GRK3: variants seen among roughly 807,000 people sequenced by gnomAD.
The protein encoded by GRK3 is adrenergic, beta, receptor kinase 2.
In GRK3, 54 loss-of-function variants were observed where a neutral mutation model predicts 95.7. That is an observed-to-expected ratio of 0.56 (90% CI 0.45 to 0.71). The LOEUF (loss-of-function observed/expected upper bound fraction) is 0.71, where lower values mean the gene tolerates loss of function less well. Among genes scored for constraint, GRK3 ranks in the 30% least tolerant of loss-of-function variants. GRK3 has a pLI of 0.00. For synonymous variants in GRK3, 281 were observed against 290.8 expected, an observed-to-expected ratio of 0.97 and a Z score of 0.34; for missense variants, 649 against 851.2, an observed-to-expected ratio of 0.76 and a Z score of 2.96.
At position 25,697,689 on chromosome 22, in the gene GRK3, G is replaced by A. The variant is rs191088359; in HGVS notation, c.1160+2475G>A. Among the ~76,000 whole-genome samples, 111 of 152,240 alleles carry A rather than the reference G, an allele frequency of 7.3e-4. 1 individual carries two copies. The highest frequency in any genetic ancestry group is 1.2e-3 in the Non-Finnish European group (85 of 68,010). Reference sequence around the variant, plus strand: ...TAACTCCAGAGGGATGCATTTTGAGGAGAAAAAAGATTTCAGTTTAATACA... The same window carrying A: ...TAACTCCAGAGGGATGCATTTTGAGAAGAAAAAAGATTTCAGTTTAATACA... On this transcript the variant is annotated intron_variant, in intron 13 of 20. Coordinates refer to ENST00000324198, the MANE Select transcript of GRK3 (RefSeq NM_005160.4).
At chr22:25,715,347 C>G (rs1044409805) in intron 18 of GRK3, among the ~76,000 whole-genome samples, 1 of 152,068 alleles carries the variant, frequency 6.6e-6, no homozygotes. Context: ...AACCCCATCT[C>G]TACAAAAAAT....
chr22:25,593,206 G>A (rs533719283), intron 1 of GRK3, among the ~76,000 whole-genome samples: 1 of 151,644 alleles, frequency 6.6e-6, no homozygotes, highest in Admixed American at 6.6e-5. Context: ...TTCAGTAATA[G>A]GATTGCTGGG....
At chr22:25,584,085 G>A (rs1404924142) in intron 1 of GRK3, among the ~76,000 whole-genome samples, 1 of 152,228 alleles carries the variant, frequency 6.6e-6, no homozygotes, top group Non-Finnish European at 1.5e-5. Flanking sequence ...AGGGAAGTGG[G>A]AGTAAATGCC....
At chr22:25,619,133 C>T (rs755270568) in intron 2 of GRK3, among the ~76,000 whole-genome samples, 2 of 152,058 alleles carry the variant, frequency 1.3e-5, no homozygotes, top group East Asian at 1.9e-4. Flanking sequence ...AGACATATAG[C>T]GCCTTTGTTA....
chr22:25,620,275 C>G (rs890433709), intron 2 of GRK3, among the ~76,000 whole-genome samples: 4 of 152,022 alleles, frequency 2.6e-5, no homozygotes, highest in Non-Finnish European at 4.4e-5. Context: ...TCACATAGCC[C>G]GCGAAAAAGC....
chr22:25,595,918 G>A (rs1601461242), intron 1 of GRK3, among the ~76,000 whole-genome samples: 1 of 152,306 alleles, frequency 6.6e-6, no homozygotes, highest in East Asian at 1.9e-4. Context: ...CTGTACTCCA[G>A]CCTGGATGAC....
intron 1 of GRK3, among the ~76,000 whole-genome samples, chr22:25,593,508 G>A (rs1302026723): frequency 6.6e-6 from 1 of 152,034 alleles, no homozygotes; most frequent in African/African-American, 2.4e-5. Context: ...GTCTTCTTTT[G>A]AGAAGTGTCT....
chr22:25,610,298 A>G (rs767510957), intron 2 of GRK3, among the ~76,000 whole-genome samples: 1 of 152,160 alleles, frequency 6.6e-6, no homozygotes, highest in Non-Finnish European at 1.5e-5. Context: ...CCCTATCTGT[A>G]TAGAAATTTA....
intron 2 of GRK3, among the ~76,000 whole-genome samples, chr22:25,639,424 T>A (rs1446827049): frequency 1.3e-5 from 2 of 152,184 alleles, no homozygotes; most frequent in Non-Finnish European, 2.9e-5. Flanking sequence ...TTTCCCAGCA[T>A]CATTTGTTGA....
At chr22:25,683,837 A>T (rs967711732) in intron 9 of GRK3, among the ~76,000 whole-genome samples, 1 of 152,002 alleles carries the variant, frequency 6.6e-6, no homozygotes, top group South Asian at 2.1e-4. Flanking sequence ...TTACTCTGTT[A>T]ATGGTATCCT....
At chr22:25,590,771 C>T (rs1932463909) in intron 1 of GRK3, among the ~76,000 whole-genome samples, 1 of 152,140 alleles carries the variant, frequency 6.6e-6, no homozygotes, top group Non-Finnish European at 1.5e-5. Context: ...CGCCACTGCA[C>T]TCCAGCCTAG....
chr22:25,663,744 C>G, intron 5 of GRK3, 40 bp downstream of exon 5: 1 of 1,423,300 alleles, frequency 7.0e-7, no homozygotes, highest in East Asian at 2.3e-5. Flanking sequence ...ATAATATTTG[C>G]TTAACACTTG....
intron 3 of GRK3, among the ~76,000 whole-genome samples, chr22:25,645,309 G>A (rs1355721729): frequency 6.6e-6 from 1 of 152,212 alleles, no homozygotes; most frequent in African/African-American, 2.4e-5. Flanking sequence ...GTGGTCTGGT[G>A]ACATTGGGTA....
intron 15 of GRK3, among the ~76,000 whole-genome samples, chr22:25,706,483 C>T (rs1485777693): frequency 6.6e-6 from 1 of 151,920 alleles, no homozygotes; most frequent in Non-Finnish European, 1.5e-5. Context: ...TGCTGATGGC[C>T]CTCTCTCTCT....
At chr22:25,610,289 C>T (rs116027115) in intron 2 of GRK3, among the ~76,000 whole-genome samples, 2 of 152,074 alleles carry the variant, frequency 1.3e-5, no homozygotes, top group Admixed American at 6.5e-5. Flanking sequence ...ACAGTGAGAC[C>T]CTATCTGTAT....
intron 1 of GRK3, among the ~76,000 whole-genome samples, chr22:25,585,571 G>A (rs889329186): frequency 7.2e-5 from 11 of 152,058 alleles, no homozygotes; most frequent in African/African-American, 2.4e-4. Flanking sequence ...TTTAGTTTAC[G>A]TTAATTACAA....
chr22:25,706,767 T>C (rs1444717268), intron 15 of GRK3, among the ~76,000 whole-genome samples: 1 of 152,110 alleles, frequency 6.6e-6, no homozygotes, highest in East Asian at 1.9e-4. Flanking sequence ...AAGTGATCTA[T>C]GTGCCTTGGC....
intron 5 of GRK3, 109 bp from the exon 6 acceptor site, chr22:25,667,630 A>G: frequency 1.4e-6 from 1 of 705,362 alleles, no homozygotes; most frequent in Non-Finnish European, 2.6e-6. Flanking sequence ...ACACAATGCT[A>G]TGGGGAGTGC....
At chr22:25,648,979 G>T (rs956167822) in intron 3 of GRK3, 3 of 1,020,688 alleles carry the variant, frequency 2.9e-6, no homozygotes, top group Non-Finnish European at 4.7e-6. Flanking sequence ...TGCTCATTTG[G>T]AATTCTACAG....
Sources: gnomAD v4.1 joint callset for allele counts (sites outside exome capture counted in the v4.1 genomes callset) on GRCh38, gnomAD v4.1.1 for gene constraint, MANE v1.5 for transcripts, NCBI Gene and HGNC (gene_info 2026-07-23, HGNC 2026-07-21) for gene names.